Variants in FSD2 observed in about 807,000 individuals in gnomAD.
FSD2 encodes the protein fibronectin type III and SPRY domain containing 2, also known as fibronectin type III and SPRY domain-containing protein 2.
A neutral mutation model predicts 80.4 loss-of-function variants in FSD2; 71 were observed. The observed-to-expected ratio is 0.88, with a 90% confidence interval of 0.73 to 1.08. The LOEUF is 1.08. Ranked by LOEUF, FSD2 falls within the 50% of genes least tolerant of loss-of-function variation. FSD2 has a pLI of 0.00. For missense variants in FSD2, 923 were observed against 913.8 expected, an observed-to-expected ratio of 1.01 and a Z score of -0.13; for synonymous variants, 361 against 329.5, an observed-to-expected ratio of 1.10 and a Z score of -1.03.
At chr15:82,774,936 G>A (rs2151502666) in intron 6 of FSD2, among the ~76,000 whole-genome samples, 1 of 150,882 alleles carries the variant, frequency 6.6e-6, no homozygotes, top group East Asian at 2.0e-4. Context: ...CGGCCAGGAT[G>A]GTCTCAATCT....
At chr15:82,794,465 T>C (rs796398915) in intron 1 of FSD2, among the ~76,000 whole-genome samples, 48 of 152,314 alleles carry the variant, frequency 3.2e-4, no homozygotes, top group African/African-American at 1.1e-3. Flanking sequence ...TCTGCTGTTG[T>C]TGAGTAGAGT....
chr15:82,765,893 C>T lies in FSD2; in HGVS notation c.1687+5G>A. The stretch of plus-strand genomic sequence containing the variant: ...CCCAGAGACTTTGTGGGCTGGGGCA[C>T]AGACCTATGGTGTGGACTGTAGCTG... On this transcript the variant is annotated splice_donor_5th_base_variant and intron_variant, in intron 10 of 12. Transcript: ENST00000334574. 6.2e-7 allele frequency: 1 copy of T among 1,601,472 alleles called. No individual in the cohort carries two copies. Among genetic ancestry groups the T allele is most frequent in the East Asian group, 2.2e-5 (1 of 44,642 alleles).
chr15:82,803,726 T>A (rs1042411815), intron 1 of FSD2, among the ~76,000 whole-genome samples: 1 of 152,080 alleles, frequency 6.6e-6, no homozygotes, highest in Admixed American at 6.5e-5. Context: ...CCAATCTAAT[T>A]AATAACTAAT....
At chr15:82,766,150 A>G in intron 9 of FSD2, 119 bp from the exon 10 acceptor site, 1 of 1,114,376 alleles carries the variant, frequency 9.0e-7, no homozygotes, top group Non-Finnish European at 1.2e-6. Flanking sequence ...CCTCTGACCC[A>G]CATTTAACAG....
intron 4 of FSD2, among the ~76,000 whole-genome samples, chr15:82,780,796 T>C (rs2049837732): frequency 2.0e-5 from 3 of 151,968 alleles, no homozygotes; most frequent in Admixed American, 1.3e-4. Context: ...ACTTGGAAAT[T>C]AGGAAAAAGT....
At chr15:82,797,020 T>TAAAA (rs11286584) in intron 1 of FSD2, among the ~76,000 whole-genome samples, 8 of 97,338 alleles carry the variant, frequency 8.2e-5, no homozygotes, top group Non-Finnish European at 1.1e-4. Context: ...GCTTGGTAAT[T>TAAAA]AAAAAAAAAA....
At chr15:82,799,800 G>T (rs1427100995) in intron 1 of FSD2, among the ~76,000 whole-genome samples, 5 of 152,206 alleles carry the variant, frequency 3.3e-5, no homozygotes, top group Non-Finnish European at 7.3e-5. Flanking sequence ...GAGTCAGAAA[G>T]TCTAGAGTGA....
intron 1 of FSD2, among the ~76,000 whole-genome samples, chr15:82,794,802 G>C (rs534377836): frequency 6.7e-6 from 1 of 149,284 alleles, no homozygotes; most frequent in Non-Finnish European, 1.5e-5. Flanking sequence ...TCGGCTTACT[G>C]CAAGCTCCGC....
chr15:82,756,400 A>C lies in FSD2; in HGVS notation c.*2948T>G, dbSNP rs1287544052. The stretch of plus-strand genomic sequence containing the variant: ...ATTTTGGAGGATGAGAAGTATTAAG[A>C]AGAAGGCCCCACTGTCCATGCATTT... On this transcript the variant is annotated 3_prime_UTR_variant, in exon 13 of 13. Coordinates refer to ENST00000334574, the MANE Select transcript of FSD2 (RefSeq NM_001007122.4). The C allele has an allele frequency of 8.8e-6, 1 of 113,692 alleles. No individual in the cohort carries two copies. The highest frequency in any genetic ancestry group is 4.0e-5 in the African/African-American group (1 of 24,984). 7.0% of individuals were successfully genotyped at this position (113,692 alleles called of 1,614,324 possible).
intron 6 of FSD2, among the ~76,000 whole-genome samples, chr15:82,772,593 A>G (rs1333329214): frequency 6.6e-6 from 1 of 152,278 alleles, no homozygotes; most frequent in South Asian, 2.1e-4. Flanking sequence ...AGCAGAGACA[A>G]AGAAGCCTTC....
intron 4 of FSD2, among the ~76,000 whole-genome samples, chr15:82,782,349 G>A (rs1283649910): frequency 6.6e-6 from 1 of 152,070 alleles, no homozygotes; most frequent in East Asian, 1.9e-4. Flanking sequence ...GCGGTGAGCC[G>A]AGATCGCGCC....
chr15:82,768,227 T>C (rs2049468921), intron 9 of FSD2, among the ~76,000 whole-genome samples: 1 of 152,202 alleles, frequency 6.6e-6, no homozygotes, highest in Non-Finnish European at 1.5e-5. Flanking sequence ...CCTCTCTGAA[T>C]TCTAGCTAGG....
intron 6 of FSD2, among the ~76,000 whole-genome samples, chr15:82,773,590 A>T (rs1337014458): frequency 6.6e-6 from 1 of 152,202 alleles, no homozygotes; most frequent in Non-Finnish European, 1.5e-5. Flanking sequence ...TTTCCTTCCC[A>T]ATGACTAATG....
In FSD2 at chr15:82,800,647, A is replaced by G. The variant is rs934475609; in HGVS notation, c.-79+5319T>C. Among the ~76,000 whole-genome samples, 8 of 129,580 alleles carry G rather than the reference A, an allele frequency of 6.2e-5. No individual in the cohort carries two copies. In the Admixed American group the frequency reaches 7.3e-4, roughly 12 times the overall value. The allele number at this position is 129,580 out of a possible 152,430, so 85.0% of individuals were successfully genotyped here. ...GCAAACGTTGCAGCGAGCCAAGATC[A>G]TGCCACTGCACTCCAGCCTGGGGGA... On this transcript the variant is annotated intron_variant, in intron 1 of 12. Coordinates refer to ENST00000334574, the MANE Select transcript of FSD2 (RefSeq NM_001007122.4).
At chr15:82,771,922 T>G in intron 7 of FSD2, 151 bp downstream of exon 7, 1 of 808,920 alleles carries the variant, frequency 1.2e-6, no homozygotes, top group South Asian at 2.3e-5. Context: ...TGCTAGCCCT[T>G]TCTGCCCTGT....
At chr15:82,788,937 C>T (rs1398153772) in intron 1 of FSD2, among the ~76,000 whole-genome samples, 1 of 151,512 alleles carries the variant, frequency 6.6e-6, no homozygotes, top group African/African-American at 2.4e-5. Flanking sequence ...CATGATTGCG[C>T]CAGTGTACTC....
At chr15:82,763,851 C>T (rs2049345991) in intron 11 of FSD2, among the ~76,000 whole-genome samples, 1 of 152,210 alleles carries the variant, frequency 6.6e-6, no homozygotes, top group Non-Finnish European at 1.5e-5. Flanking sequence ...CTTTCTCCGA[C>T]TTTCCTGCCT....
chr15:82,790,833 C>A (rs577304544), intron 1 of FSD2, among the ~76,000 whole-genome samples: 1 of 150,404 alleles, frequency 6.6e-6, no homozygotes, highest in South Asian at 2.1e-4. Context: ...GATCCGCCCA[C>A]CTCGGACTCC....
chr15:82,760,002 CA>C (rs1331076397), intron 12 of FSD2, among the ~76,000 whole-genome samples: 1 of 152,138 alleles, frequency 6.6e-6, no homozygotes, highest in Admixed American at 6.5e-5. Flanking sequence ...CTGTGTTGCC[CA>C]GGCTGGTCTC....
Sources: allele counts gnomAD v4.1 joint callset (sites outside exome capture counted in the v4.1 genomes callset), GRCh38; gene constraint gnomAD v4.1.1; transcripts MANE v1.5; gene names NCBI Gene and HGNC (gene_info 2026-07-23, HGNC 2026-07-21).